Variants in UBAP2 observed in about 807,000 individuals in gnomAD.
UBAP2 encodes the protein ubiquitin-associated protein 2.
In UBAP2, 75 loss-of-function variants were observed where a neutral mutation model predicts 139.6. The observed-to-expected ratio is 0.54, with a 90% CI of 0.45 to 0.65. The LOEUF is 0.65. Ranked by LOEUF, UBAP2 falls within the 30% of genes least tolerant of loss-of-function variation. The pLI is 0.00. For synonymous variants in UBAP2, 526 were observed against 526.2 expected (o/e 1.00, Z 0.01); for missense variants, 1,368 against 1,369.6 (o/e 1.00, Z 0.02).
intron 1 of UBAP2, among the ~76,000 whole-genome samples, chr9:34,032,177 A>G (rs1825945983): frequency 6.6e-6 from 1 of 152,142 alleles, no homozygotes; most frequent in Non-Finnish European, 1.5e-5. Context: ...TAACATCCTC[A>G]TCCATGTCAA....
At chr9:33,984,452 C>G (rs138159192) in intron 6 of UBAP2, among the ~76,000 whole-genome samples, 181 of 152,006 alleles carry the variant, frequency 1.2e-3, no homozygotes, top group Middle Eastern at 3.4e-3. Flanking sequence ...AGCTTGAGGC[C>G]AGGAGTTCCA....
At chr9:33,982,079 C>T (rs1048304719) in intron 6 of UBAP2, among the ~76,000 whole-genome samples, 1 of 152,062 alleles carries the variant, frequency 6.6e-6, no homozygotes. Flanking sequence ...CCAAGACAGG[C>T]CCCACTCCTT....
At chr9:33,990,630 C>A (rs1424645653) in intron 4 of UBAP2, among the ~76,000 whole-genome samples, 2 of 115,454 alleles carry the variant, frequency 1.7e-5, no homozygotes, top group Non-Finnish European at 3.5e-5. Flanking sequence ...AGAAATAGTA[C>A]CCCCCAATTT....
At position 33,943,405 on chromosome 9, in the gene UBAP2, GAC is replaced by G; in HGVS notation, c.1715+13_1715+14del. On this transcript the variant is annotated intron_variant, in intron 15 of 28. Transcript: ENST00000379238. ...GGGTCTATTTTGCTTCATAACAAAG[GAC>G]TAAATTCAGTACCTTAAAGACTTCG... 6.2e-7 allele frequency: 1 copy of G among 1,613,316 alleles called. No homozygotes were observed. Among genetic ancestry groups the G allele is most frequent in the Non-Finnish European group, 8.5e-7 (1 of 1,179,606 alleles).
intron 20 of UBAP2, 72 bp from the exon 21 acceptor site, chr9:33,927,152 A>T: frequency 8.3e-7 from 1 of 1,204,292 alleles, no homozygotes; most frequent in Non-Finnish European, 1.2e-6. Flanking sequence ...CTGCTTCAGG[A>T]GGAGGCACAG....
At chr9:34,035,100 C>T (rs1229426211) in intron 1 of UBAP2, among the ~76,000 whole-genome samples, 1 of 152,126 alleles carries the variant, frequency 6.6e-6, no homozygotes, top group Non-Finnish European at 1.5e-5. Context: ...GTTTCCATCA[C>T]CCTATCACTC....
At position 33,979,114 on chromosome 9, in the gene UBAP2, A is replaced by G. The variant is rs142399229; in HGVS notation, c.521-5877T>C. ...GCTGGGCATTGTGATGTGCACCTGC[A>G]GTCCTATCTACTCAGGAAGCTAAGG... On this transcript the variant is annotated intron_variant, in intron 6 of 28. Transcript: ENST00000379238. 5.1e-4 allele frequency among the ~76,000 whole-genome samples: 77 copies of G among 152,250 alleles called. 1 individual carries two copies. The highest frequency in any genetic ancestry group is 1.8e-3 in the Admixed American group (27 of 15,270).
intron 2 of UBAP2, among the ~76,000 whole-genome samples, chr9:34,012,073 AG>A (rs1823799924): frequency 6.6e-6 from 1 of 152,358 alleles, no homozygotes; most frequent in African/African-American, 2.4e-5. Context: ...TCAGTTGATC[AG>A]GAAGTATACC....
chr9:33,939,610 G>A (rs541280699), intron 16 of UBAP2, among the ~76,000 whole-genome samples: 1 of 149,158 alleles, frequency 6.7e-6, no homozygotes, highest in South Asian at 2.2e-4. Context: ...AATTAGCCAG[G>A]TATGGTGGCA....
intron 1 of UBAP2, among the ~76,000 whole-genome samples, chr9:34,027,345 G>A (rs1825486871): frequency 6.6e-6 from 1 of 152,160 alleles, no homozygotes; most frequent in Admixed American, 6.6e-5. Flanking sequence ...GCCAGGTGTG[G>A]TGGCGCATGC....
intron 18 of UBAP2, 74 bp from the exon 19 acceptor site, chr9:33,932,702 G>A: frequency 2.0e-6 from 3 of 1,515,648 alleles, no homozygotes; most frequent in Non-Finnish European, 2.7e-6. Flanking sequence ...ACGTGGGTCA[G>A]TGAGCTAGAT....
Position 33,971,717 on chromosome 9 carries a change from T to C in UBAP2, c.613A>G (p.Thr205Ala). Reference protein sequence around the residue: ...NPADYSDSTSTDVCGTKLVVW... With the variant: ...NPADYSDSTSADVCGTKLVVW... ...ACTAGCTTTGTCCCACACACATCTGTAGATGTAGAATCTGAATAGTCTGCA... is the reference window on the plus strand; with the variant it reads ...ACTAGCTTTGTCCCACACACATCTGCAGATGTAGAATCTGAATAGTCTGCA... Residue 205 changes from threonine to alanine, a missense_variant, in exon 8 of 29, where the codon ACA (threonine) becomes GCA (alanine). Thr to Ala is a moderately conservative substitution (Grantham distance 58). Transcript: ENST00000379238. The C allele has an allele frequency of 1.2e-6, 2 of 1,611,208 alleles. No homozygotes were observed. Among genetic ancestry groups the C allele is most frequent in the East Asian group, 2.2e-5 (1 of 44,844 alleles).
intron 5 of UBAP2, among the ~76,000 whole-genome samples, chr9:33,987,349 T>C (rs561995588): frequency 1.3e-5 from 2 of 151,218 alleles, no homozygotes; most frequent in East Asian, 1.9e-4. Context: ...CAGGCGGAGG[T>C]TGCAGTGAGC....
intron 14 of UBAP2, 47 bp downstream of exon 14, chr9:33,944,318 A>G (rs1160721485): frequency 1.3e-6 from 2 of 1,596,208 alleles, no homozygotes; most frequent in Admixed American, 3.4e-5. Context: ...GCTGAATGTA[A>G]AAATAATTCC....
intron 5 of UBAP2, 89 bp downstream of exon 5, chr9:33,988,884 C>T: frequency 7.0e-7 from 1 of 1,432,764 alleles, no homozygotes; most frequent in Non-Finnish European, 9.5e-7. Context: ...GTGACTCATG[C>T]CTGTAATCCC....
intron 10 of UBAP2, among the ~76,000 whole-genome samples, chr9:33,958,374 A>G (rs375258303): frequency 6.6e-6 from 1 of 152,078 alleles, no homozygotes; most frequent in Non-Finnish European, 1.5e-5. Flanking sequence ...AAACATTGAC[A>G]TATCTAAACA....
At chr9:33,958,706 C>T (rs1430660751) in intron 10 of UBAP2, among the ~76,000 whole-genome samples, 1 of 122,742 alleles carries the variant, frequency 8.1e-6, no homozygotes, top group Non-Finnish European at 1.6e-5. Context: ...TGTGCCCGGC[C>T]TTTTTTTTTT....
At chr9:34,032,209 A>G (rs1372220369) in intron 1 of UBAP2, among the ~76,000 whole-genome samples, 2 of 152,184 alleles carry the variant, frequency 1.3e-5, no homozygotes, top group African/African-American at 4.8e-5. Flanking sequence ...AAACGTAGCT[A>G]AACACGGCTC....
chr9:33,941,932 A>C, intron 15 of UBAP2, 70 bp from the exon 16 acceptor site: 1 of 1,103,802 alleles, frequency 9.1e-7, no homozygotes, highest in Non-Finnish European at 1.3e-6. Context: ...AAAAAAACAT[A>C]AACAGCTTCA....
Sources: allele counts gnomAD v4.1 joint callset (sites outside exome capture counted in the v4.1 genomes callset), GRCh38; gene constraint gnomAD v4.1.1; transcripts MANE v1.5; gene names NCBI Gene and HGNC (gene_info 2026-07-23, HGNC 2026-07-21).